OGG1: variants seen among roughly 807,000 people sequenced by gnomAD.
The protein encoded by OGG1 is N-glycosylase/DNA lyase.
A neutral mutation model predicts 42.3 loss-of-function variants in OGG1; 35 were observed. The observed-to-expected ratio is 0.83, with a 90% confidence interval of 0.63 to 1.10. The LOEUF (loss-of-function observed/expected upper bound fraction) is 1.10, where lower values mean the gene tolerates loss of function less well. OGG1 is among the 50% of genes least tolerant of loss of function. OGG1 has a pLI of 0.00. For missense variants in OGG1, 484 were observed against 446.7 expected (o/e 1.08, Z -0.75); for synonymous variants, 189 against 179.0 (o/e 1.06, Z -0.44).
At chr3:9,768,904 G>A (rs59370914), downstream of OGG1, among the ~76,000 whole-genome samples, 649 of 152,168 alleles carry the variant, frequency 4.3e-3, 4 homozygotes, top group African/African-American at 0.015. Flanking sequence ...GGAGACTCGA[G>A]TGTAAGCTCT....
intron 2 of OGG1, among the ~76,000 whole-genome samples, chr3:9,779,013 CCT>C (rs376835296): frequency 4.6e-5 from 7 of 152,232 alleles, no homozygotes; most frequent in African/African-American, 9.6e-5. Flanking sequence ...CAAATTATTC[CCT>C]GATTCTCTCA....
chr3:9,761,529 T>G (rs764888044), downstream of OGG1: 86 of 1,613,622 alleles, frequency 5.3e-5, no homozygotes, highest in Middle Eastern at 1.0e-3. Flanking sequence ...GGGCCAGGAC[T>G]TCAGGGGCTG....
exon 8 of OGG1, chr3:9,766,029 C>T (rs1165375371): frequency 5.0e-6 from 8 of 1,611,878 alleles, no homozygotes; most frequent in Non-Finnish European, 5.1e-6. Context: ...CATCCATCCC[C>T]TGGCTCCAGA....
chr3:9,769,549 C>G (rs1356634195), downstream of OGG1, among the ~76,000 whole-genome samples: 1 of 152,202 alleles, frequency 6.6e-6, no homozygotes, highest in East Asian at 1.9e-4. Context: ...AGCCCCCCCA[C>G]CCCATGGATA....
Position 9,757,141 on chromosome 3 carries a change from G to A in OGG1, c.1029G>A (p.Pro343=), listed in dbSNP as rs776858974. The A allele has an allele frequency of 1.2e-5, 20 of 1,613,970 alleles. No homozygotes were observed. Among genetic ancestry groups the A allele is most frequent in the South Asian group, 4.4e-5 (4 of 91,082 alleles). The change falls in exon 7 of 7, where the codon CCG becomes CCA. Residue 343 remains proline, a synonymous_variant. Coordinates refer to ENST00000344629, the MANE Select transcript of OGG1 (RefSeq NM_002542.6). This position sits in a 1 kb window ranked among gnomAD's most constrained non-coding sequence, Gnocchi z 4.5. ...PAKRRKGSKG[P]EG is the part of the protein sequence containing the mutation. ...AGCGCAGAAAGGGTTCCAAAGGGCC[G>A]GAAGGCTAGATGGGGCACCCTGGAC...
At chr3:9,785,201 G>C (rs2125621506) in intron 3 of OGG1, 1 of 720,706 alleles carries the variant, frequency 1.4e-6, no homozygotes, top group East Asian at 2.6e-5. Flanking sequence ...ACTGCTATTA[G>C]GCTTCACCTA....
chr3:9,780,284 G>A, intron 2 of OGG1: 1 of 1,482,924 alleles, frequency 6.7e-7, no homozygotes, highest in South Asian at 1.3e-5. Context: ...AATGTTTCCT[G>A]TGCCCAAAGA....
chr3:9,755,882 G>GAATAGGTC (rs2077525912), intron 4 of OGG1, among the ~76,000 whole-genome samples: 1 of 152,016 alleles, frequency 6.6e-6, no homozygotes. Context: ...TCAGCCATGT[G>GAATAGGTC]ACTTTGGCCA....
downstream of OGG1, among the ~76,000 whole-genome samples, chr3:9,788,719 T>C (rs547928119): frequency 5.3e-5 from 8 of 152,170 alleles, no homozygotes; most frequent in South Asian, 1.5e-3. Flanking sequence ...TTTGTATTTT[T>C]AGTAGAGACG....
intron 2 of OGG1, 60 bp downstream of exon 2, chr3:9,751,252 TCAG>T (rs2077290746): frequency 6.3e-7 from 1 of 1,576,218 alleles, no homozygotes; most frequent in Non-Finnish European, 8.7e-7. Flanking sequence ...TCTCTATGAC[TCAG>T]TTTTGCCACC....
downstream of OGG1, chr3:9,757,496 C>T (rs1415932804): frequency 3.7e-6 from 6 of 1,604,548 alleles, no homozygotes; most frequent in Admixed American, 3.4e-5. This position sits in a 1 kb window ranked among gnomAD's most constrained non-coding sequence, Gnocchi z 4.5. Context: ...AGGCTGCCCC[C>T]AAGCCCTCCC....
intron 3 of OGG1, among the ~76,000 whole-genome samples, chr3:9,753,527 G>T (rs1406877860): frequency 6.6e-6 from 1 of 150,878 alleles, no homozygotes; most frequent in African/African-American, 2.4e-5. Context: ...GGTGGTGGGC[G>T]CCTGTAGTCC....
rs1042152790 is a variant in OGG1 at position 9,751,300 on chromosome 3, T to C, written c.385+108T>C. 14 of 1,164,466 alleles carry C rather than the reference T, an allele frequency of 1.2e-5. No individual in the cohort carries two copies. The East Asian group carries it at 3.3e-4, about 27-fold the overall frequency. 72.1% of individuals were successfully genotyped at this position (1,164,466 alleles called of 1,614,324 possible). On this transcript the variant is annotated intron_variant, in intron 2 of 6. Transcript: ENST00000344629. The stretch of plus-strand genomic sequence containing the variant: ...GGGATTATATCTACTTCATAGGCTT[T>C]TATGAGGATTTAAGGAACTAATACA...
chr3:9,774,408 CAAAAAAAAAAA>C (rs35674476), intron 2 of OGG1, among the ~76,000 whole-genome samples: 4 of 117,098 alleles, frequency 3.4e-5, no homozygotes, highest in Non-Finnish European at 6.7e-5. Context: ...GACTCTGTCT[CAAAAAAAAAAA>C]AAAAAAAAAC....
chr3:9,760,698 A>G, downstream of OGG1: 1 of 1,614,052 alleles, frequency 6.2e-7, no homozygotes, highest in Non-Finnish European at 8.5e-7. Context: ...TCAAACTCGT[A>G]CTCGGCCTTC....
downstream of OGG1, chr3:9,767,700 C>G: frequency 6.2e-7 from 1 of 1,614,156 alleles, no homozygotes; most frequent in Non-Finnish European, 8.5e-7. Flanking sequence ...GTAGATGTCT[C>G]TAATGTCCTC....
Position 9,786,981 on chromosome 3 carries a change from T to C in OGG1, c.383-747T>C, listed in dbSNP as rs752658896. ...CATTAAAACACAAAGTAAATATGGT[T>C]CCTCTTTTGGGTTAGGCTGCTCACC... On this transcript the variant is annotated intron_variant, in intron 3 of 3. Transcript: ENST00000426518. The C allele has an allele frequency of 1.0e-5, 16 of 1,586,176 alleles. No individual in the cohort carries two copies. The Admixed American group carries it at 2.7e-4, about 27-fold the overall frequency.
intron 2 of OGG1, among the ~76,000 whole-genome samples, chr3:9,778,951 TCTTAC>T (rs976295548): frequency 3.9e-5 from 6 of 152,192 alleles, no homozygotes; most frequent in African/African-American, 7.2e-5. Flanking sequence ...CCTTAGGGAA[TCTTAC>T]CCTCCCTTCT....
chr3:9,757,621 C>T (rs1482988022), downstream of OGG1: 2 of 1,614,034 alleles, frequency 1.2e-6, no homozygotes, highest in Non-Finnish European at 1.7e-6. This position sits in a 1 kb window ranked among gnomAD's most constrained non-coding sequence, Gnocchi z 4.5. Flanking sequence ...AGCTGCCGGC[C>T]CTGCATGGGA....
Sources: gnomAD v4.1 joint callset for allele counts (sites outside exome capture counted in the v4.1 genomes callset) on GRCh38, gnomAD v4.1.1 for gene constraint, Gnocchi (gnomAD v3.1) non-coding constraint, MANE v1.5 for transcripts, NCBI Gene and HGNC (gene_info 2026-07-23, HGNC 2026-07-21) for gene names.